Variants in ERICH1 observed in about 807,000 individuals in gnomAD.
ERICH1 encodes the protein glutamate-rich protein 1.
Under a neutral mutation model 39.6 loss-of-function variants are expected in ERICH1, and 56 were observed. The observed-to-expected ratio is 1.41, with a 90% CI of 1.14 to 1.77. The LOEUF (loss-of-function observed/expected upper bound fraction) is 1.77. ERICH1 is among the 40% of genes most tolerant of loss of function. The pLI is 0.00. For synonymous variants in ERICH1, 313 were observed against 223.6 expected (o/e 1.40, Z -3.57); for missense variants, 826 against 575.4 (o/e 1.44, Z -4.45).
At chr8:636,571 C>G (rs920312433) in intron 3 of ERICH1, among the ~76,000 whole-genome samples, 2 of 152,250 alleles carry the variant, frequency 1.3e-5, no homozygotes, top group Non-Finnish European at 2.9e-5. Context: ...AGCACAAGCC[C>G]TCCACTTACC....
intron 3 of ERICH1, among the ~76,000 whole-genome samples, chr8:678,591 C>T (rs1382140919): frequency 6.6e-6 from 1 of 152,160 alleles, no homozygotes; most frequent in Non-Finnish European, 1.5e-5. Context: ...GGGCGGATCA[C>T]GAGGTCAGGA....
intron 4 of ERICH1, among the ~76,000 whole-genome samples, chr8:672,667 G>A (rs1443466530): frequency 1.3e-5 from 2 of 152,210 alleles, no homozygotes; most frequent in African/African-American, 2.4e-5. Flanking sequence ...GGGCAGCCAC[G>A]TGTCCCTAGG....
chr8:719,330 A>G (rs1442939734), intron 1 of ERICH1, among the ~76,000 whole-genome samples: 1 of 152,174 alleles, frequency 6.6e-6, no homozygotes, highest in Non-Finnish European at 1.5e-5. Flanking sequence ...GTACTCCACC[A>G]TCATGACATC....
At chr8:656,616 G>A (rs1800695989) in intron 3 of ERICH1, 3 of 376,008 alleles carry the variant, frequency 8.0e-6, no homozygotes, top group South Asian at 2.2e-4. Context: ...ATCAGCCAGG[G>A]CTTGCCCCTG....
intron 2 of ERICH1, among the ~76,000 whole-genome samples, chr8:702,019 G>A (rs920779236): frequency 2.1e-5 from 3 of 146,270 alleles, no homozygotes; most frequent in African/African-American, 5.1e-5. Flanking sequence ...GGAGCTTGCA[G>A]TGAGCCAAGA....
chr8:727,368 G>A (rs1168066376), intron 1 of ERICH1, among the ~76,000 whole-genome samples: 1 of 152,222 alleles, frequency 6.6e-6, no homozygotes, highest in East Asian at 1.9e-4. Context: ...GCGATTCCTG[G>A]CGTGTGAAGT....
At chr8:676,689 T>C (rs909239245) in intron 3 of ERICH1, among the ~76,000 whole-genome samples, 1 of 152,172 alleles carries the variant, frequency 6.6e-6, no homozygotes, top group Non-Finnish European at 1.5e-5. Flanking sequence ...GCCCAGACAC[T>C]GATGGGTAAA....
At chr8:627,441 G>A (rs575841163) in intron 3 of ERICH1, among the ~76,000 whole-genome samples, 3 of 152,260 alleles carry the variant, frequency 2.0e-5, no homozygotes, top group African/African-American at 7.2e-5. Context: ...CAGGGGTCAG[G>A]CATTTGCGCT....
chr8:634,180 A>AACAAACAAAC (rs1563171301), intron 3 of ERICH1, among the ~76,000 whole-genome samples: 2 of 91,256 alleles, frequency 2.2e-5, no homozygotes, highest in Admixed American at 1.0e-4. Context: ...AAAAAAAAAA[A>AACAAACAAAC]AAAAAACAAA....
downstream of ERICH1, among the ~76,000 whole-genome samples, chr8:663,814 C>T (rs982659262): frequency 6.6e-6 from 1 of 151,756 alleles, no homozygotes; most frequent in Non-Finnish European, 1.5e-5. Flanking sequence ...GGCTGCAGTG[C>T]AGTGGTGCGA....
chr8:701,796 A>G (rs1212030362), intron 2 of ERICH1, among the ~76,000 whole-genome samples: 1 of 152,196 alleles, frequency 6.6e-6, no homozygotes, highest in African/African-American at 2.4e-5. Flanking sequence ...TGACGTTTTT[A>G]AAAATGAAAA....
intron 1 of ERICH1, among the ~76,000 whole-genome samples, chr8:723,402 C>T (rs1411613081): frequency 2.0e-5 from 3 of 152,208 alleles, no homozygotes; most frequent in Non-Finnish European, 2.9e-5. Context: ...AATAGACTTA[C>T]AAACAGAAAA....
At chr8:615,584 A>G in intron 3 of ERICH1, 1 of 315,860 alleles carries the variant, frequency 3.2e-6, no homozygotes. Context: ...CTATTTGGCA[A>G]ATGCTATGAA....
chr8:709,052 G>C (rs1328321078), intron 2 of ERICH1, among the ~76,000 whole-genome samples: 1 of 152,098 alleles, frequency 6.6e-6, no homozygotes, highest in Non-Finnish European at 1.5e-5. Context: ...TAATGGAATG[G>C]TTGTACAACA....
At chr8:640,062 C>T (rs1242924340) in intron 3 of ERICH1, among the ~76,000 whole-genome samples, 2 of 152,120 alleles carry the variant, frequency 1.3e-5, no homozygotes, top group African/African-American at 4.8e-5. Flanking sequence ...TTTTGTACCA[C>T]ACAGCTGTCA....
chr8:703,142 G>C (rs145945000), intron 2 of ERICH1, among the ~76,000 whole-genome samples: 6 of 152,168 alleles, frequency 3.9e-5, no homozygotes, highest in Non-Finnish European at 8.8e-5. Context: ...AGGAGCATTC[G>C]GGGAGGGAAC....
Position 688,073 on chromosome 8 carries a change from C to G in ERICH1, c.304+4405G>C, listed in dbSNP as rs1030557207. Among the ~76,000 whole-genome samples, 4 of 152,298 alleles carry G rather than the reference C, an allele frequency of 2.6e-5. No homozygotes were observed. The South Asian group carries it at 6.2e-4, about 24-fold the overall frequency. On this transcript the variant is annotated intron_variant, in intron 3 of 5. Coordinates refer to ENST00000262109, the MANE Select transcript of ERICH1 (RefSeq NM_207332.3). The stretch of plus-strand genomic sequence containing the variant: ...CGCGGCGGCGCGCGGTCAAATTCCT[C>G]AGGCACCCAATGCAGTTCCCGGCTG...
chr8:635,548 C>T (rs1028264611), intron 3 of ERICH1, among the ~76,000 whole-genome samples: 2 of 152,210 alleles, frequency 1.3e-5, no homozygotes, highest in Admixed American at 6.5e-5. Flanking sequence ...AGCCCGCAGG[C>T]GGCACAGCTG....
chr8:689,066 C>T (rs566025874), intron 3 of ERICH1, among the ~76,000 whole-genome samples: 2 of 152,124 alleles, frequency 1.3e-5, no homozygotes, highest in Non-Finnish European at 2.9e-5. Flanking sequence ...TGATATTTTC[C>T]CAGAGAGGTA....
Sources: allele counts gnomAD v4.1 joint callset (sites outside exome capture counted in the v4.1 genomes callset), GRCh38; gene constraint gnomAD v4.1.1; transcripts MANE v1.5; gene names NCBI Gene and HGNC (gene_info 2026-07-23, HGNC 2026-07-21).